Variants in RABGAP1 observed in about 807,000 individuals in gnomAD.
RABGAP1 encodes the protein rab GTPase-activating protein 1.
RABGAP1 carries 23 observed loss-of-function variants against 137.6 expected under a neutral mutation model. That is an observed-to-expected ratio of 0.17 (90% CI 0.12 to 0.24). The LOEUF (loss-of-function observed/expected upper bound fraction) is 0.24. Ranked by LOEUF, RABGAP1 falls within the 10% of genes least tolerant of loss-of-function variation. The probability of loss-of-function intolerance (pLI) is 1.00; values close to 1 mark genes in which losing one functional copy is unlikely to be tolerated. For synonymous variants in RABGAP1, 451 were observed against 450.7 expected (o/e 1.00, Z -0.01); for missense variants, 906 against 1,275.8 (o/e 0.71, Z 4.42).
rs555724501 is a variant in RABGAP1 at position 122,946,503 on chromosome 9, G to A, written c.-50+5410G>A. Among the ~76,000 whole-genome samples the A allele has an allele frequency of 5.3e-5, 8 of 152,258 alleles. No individual in the cohort carries two copies. The East Asian group carries it at 1.5e-3, about 29-fold the overall frequency. ...ATTTTTACATTTATTAAATGCTAATGTAAATTATACTGTAGAAATCTGAAC... is the reference window on the plus strand; with the variant it reads ...ATTTTTACATTTATTAAATGCTAATATAAATTATACTGTAGAAATCTGAAC... On this transcript the variant is annotated intron_variant, in intron 1 of 25. Coordinates refer to ENST00000373647, the MANE Select transcript of RABGAP1 (RefSeq NM_012197.4).
At chr9:123,051,856 G>A (rs982400289) in intron 13 of RABGAP1, among the ~76,000 whole-genome samples, 5 of 151,152 alleles carry the variant, frequency 3.3e-5, no homozygotes, top group South Asian at 2.1e-4. Context: ...CAGTGGCGCA[G>A]TCTTGGCTCA....
intron 13 of RABGAP1, among the ~76,000 whole-genome samples, chr9:123,052,784 A>G (rs1013783396): frequency 1.3e-5 from 2 of 152,090 alleles, no homozygotes; most frequent in Non-Finnish European, 1.5e-5. Context: ...AGAAAAAAAG[A>G]AAAAAATTAG....
At chr9:123,021,048 G>A (rs984499653) in intron 13 of RABGAP1, 4 of 271,480 alleles carry the variant, frequency 1.5e-5, no homozygotes, top group Non-Finnish European at 2.3e-5. Context: ...GCAATGTTTT[G>A]TGCCTTTGTG....
At chr9:122,956,007 T>C (rs1355475935) in intron 1 of RABGAP1, among the ~76,000 whole-genome samples, 1 of 152,192 alleles carries the variant, frequency 6.6e-6, no homozygotes, top group African/African-American at 2.4e-5. Flanking sequence ...GGTTTTAAAA[T>C]GATGGTGAGT....
chr9:122,943,369 A>C (rs1833730897), intron 1 of RABGAP1, among the ~76,000 whole-genome samples: 1 of 152,024 alleles, frequency 6.6e-6, no homozygotes, highest in African/African-American at 2.4e-5. Flanking sequence ...GCGCCCGGCC[A>C]CACTTTCTTT....
chr9:123,055,340 G>GC (rs1186652632), intron 13 of RABGAP1, among the ~76,000 whole-genome samples: 2 of 151,896 alleles, frequency 1.3e-5, no homozygotes, highest in Admixed American at 6.6e-5. Flanking sequence ...TACAAGTGCT[G>GC]CCATGCCTAG....
intron 12 of RABGAP1, among the ~76,000 whole-genome samples, chr9:123,016,636 G>A (rs1366534405): frequency 6.6e-6 from 1 of 152,182 alleles, no homozygotes. Context: ...TCCTTGAATA[G>A]GATGCCAGTA....
At chr9:123,082,844 T>C (rs2034754353) in intron 19 of RABGAP1, among the ~76,000 whole-genome samples, 1 of 152,244 alleles carries the variant, frequency 6.6e-6, no homozygotes, top group Admixed American at 6.5e-5. Flanking sequence ...AGAAAACTCT[T>C]CAGCATTTTC....
intron 13 of RABGAP1, among the ~76,000 whole-genome samples, chr9:123,052,637 C>T (rs2033533366): frequency 6.6e-6 from 1 of 152,116 alleles, no homozygotes; most frequent in Non-Finnish European, 1.5e-5. Flanking sequence ...GTGCACAAAA[C>T]TTTGCATACA....
At chr9:122,950,870 TAGA>T (rs1834209272) in intron 1 of RABGAP1, among the ~76,000 whole-genome samples, 1 of 152,100 alleles carries the variant, frequency 6.6e-6, no homozygotes, top group African/African-American at 2.4e-5. Context: ...ATTTTAAAAA[TAGA>T]AGAAAAGGAA....
chr9:123,097,950 CAGTT>C, intron 22 of RABGAP1, 105 bp downstream of exon 22: 1 of 900,424 alleles, frequency 1.1e-6, no homozygotes, highest in South Asian at 1.8e-5. Context: ...CATCTGGCTT[CAGTT>C]TCTTTCCAAA....
At position 122,972,568 on chromosome 9, in the gene RABGAP1, G is replaced by A. The variant is rs554782987; in HGVS notation, c.151-11917G>A. ...TACCACGTGGATTCTCGTGTTCAAAGCAAGTCACAAGTCCAGTTCTTATTC... is the reference window on the plus strand; with the variant it reads ...TACCACGTGGATTCTCGTGTTCAAAACAAGTCACAAGTCCAGTTCTTATTC... On this transcript the variant is annotated intron_variant, in intron 2 of 25. Transcript: ENST00000373647. 3.5e-4 allele frequency among the ~76,000 whole-genome samples: 53 copies of A among 152,272 alleles called. No individual in the cohort carries two copies. The South Asian group carries it at 4.1e-3, about 12-fold the overall frequency.
chr9:123,098,416 G>GTGTC (rs1198393435), intron 22 of RABGAP1, among the ~76,000 whole-genome samples: 2 of 152,256 alleles, frequency 1.3e-5, no homozygotes, highest in African/African-American at 4.8e-5. Context: ...TCTTTGGTTT[G>GTGTC]TGTCTGGTCT....
intron 13 of RABGAP1, chr9:123,020,887 T>G: frequency 1.1e-6 from 1 of 902,536 alleles, no homozygotes; most frequent in Non-Finnish European, 1.3e-6. Context: ...ATATTCTCTT[T>G]TAGCTCATTC....
At position 123,033,887 on chromosome 9, in the gene RABGAP1, T is replaced by A. The variant is rs182569094; in HGVS notation, c.1794+13428T>A. The A allele has an allele frequency of 3.9e-5, 6 of 152,350 alleles. No homozygotes were observed. In the East Asian group the frequency reaches 1.2e-3, roughly 29 times the overall value. The allele number at this position is 152,350 out of a possible 1,614,324, so 9.4% of individuals were successfully genotyped here. A position where few individuals can be genotyped will look rare whatever the true frequency, so the allele number is the denominator to read the frequency against. ...TTGTAGTGAAAGGTTTTCCTAAATA[T>A]TATAAGCAAATTCCTTTTCTCCCCC... On this transcript the variant is annotated intron_variant, in intron 13 of 25. Transcript: ENST00000373647.
rs148485614 is a variant in RABGAP1 at position 123,091,033 on chromosome 9, G to C, written c.2628+648G>C. Among the ~76,000 whole-genome samples, 513 of 152,344 alleles carry C rather than the reference G, an allele frequency of 3.4e-3. 1 individual carries two copies. Among genetic ancestry groups the C allele is most frequent in the Non-Finnish European group, 4.8e-3 (328 of 68,024 alleles). ...GGATAATAAGTGTTTGAGGCTTATG[G>C]CCCTACAGTCTACATTGCTACTACT... On this transcript the variant is annotated intron_variant, in intron 21 of 25. Transcript: ENST00000373647.
chr9:122,947,189 A>G (rs1421702557), intron 1 of RABGAP1, among the ~76,000 whole-genome samples: 1 of 152,236 alleles, frequency 6.6e-6, no homozygotes, highest in Non-Finnish European at 1.5e-5. Context: ...ACATGCTACA[A>G]TATGAATAAA....
At chr9:122,958,033 C>T (rs982875727) in intron 2 of RABGAP1, among the ~76,000 whole-genome samples, 1 of 152,172 alleles carries the variant, frequency 6.6e-6, no homozygotes, top group African/African-American at 2.4e-5. Context: ...TGAAAGCACT[C>T]CCAGGTTCAC....
At chr9:122,978,474 C>G (rs1384286849) in intron 2 of RABGAP1, among the ~76,000 whole-genome samples, 1 of 152,076 alleles carries the variant, frequency 6.6e-6, no homozygotes, top group Non-Finnish European at 1.5e-5. Flanking sequence ...ATGAATAATG[C>G]ATTAACATTT....
Sources: allele counts gnomAD v4.1 joint callset (sites outside exome capture counted in the v4.1 genomes callset), GRCh38; gene constraint gnomAD v4.1.1; transcripts MANE v1.5; gene names NCBI Gene and HGNC (gene_info 2026-07-23, HGNC 2026-07-21).